Variants in GSE1 observed in about 807,000 individuals in gnomAD.
GSE1 encodes the protein Gse1 coiled-coil protein.
GSE1 carries 32 observed loss-of-function variants against 112.6 expected under a neutral mutation model. That is an observed-to-expected ratio of 0.28 (90% confidence interval 0.21 to 0.38). The LOEUF (loss-of-function observed/expected upper bound fraction) is 0.38, where lower values mean the gene tolerates loss of function less well. Ranked by LOEUF, GSE1 falls within the 10% of genes least tolerant of loss-of-function variation. GSE1 has a pLI of 1.00. For missense variants in GSE1, 2,348 were observed against 1,699.2 expected (o/e 1.38, Z -6.71); for synonymous variants, 1,115 against 735.6 (o/e 1.52, Z -8.35).
chr16:85,332,755 A>G (rs1170431416), intron 1 of GSE1, among the ~76,000 whole-genome samples: 10 of 151,076 alleles, frequency 6.6e-5, no homozygotes, highest in Non-Finnish European at 1.5e-4. Context: ...TCCTGTCTAC[A>G]CCTCCCTCTG....
At chr16:85,177,627 A>G (rs1354185050) in intron 1 of GSE1, among the ~76,000 whole-genome samples, 1 of 152,146 alleles carries the variant, frequency 6.6e-6, no homozygotes, top group East Asian at 1.9e-4. Context: ...GTGCTGTGTT[A>G]AGAAGGGTTC....
intron 1 of GSE1, among the ~76,000 whole-genome samples, chr16:85,203,217 C>T (rs1228203710): frequency 6.6e-6 from 1 of 152,122 alleles, no homozygotes; most frequent in African/African-American, 2.4e-5. Context: ...TCCTCCTCAG[C>T]ATGCGTTTGC....
At position 85,661,233 on chromosome 16, in the gene GSE1, G is replaced by T. The variant is rs1158309115; in HGVS notation, c.1728G>T (p.Gln576His). 3 of 1,612,642 alleles carry T rather than the reference G, an allele frequency of 1.9e-6. No homozygotes were observed. The Admixed American group carries it at 5.0e-5, about 27-fold the overall frequency. ...CACCTCTGATTTCGCCCAAGCCCCAGCTCCATGCTGCACCCACGGCCCTCT... is the reference window on the plus strand; with the variant it reads ...CACCTCTGATTTCGCCCAAGCCCCATCTCCATGCTGCACCCACGGCCCTCT... The part of the protein sequence containing the change: ...GPPPLISPKP[Q>H]LHAAPTALWN... Residue 576 changes from glutamine (Q) to histidine (H), a missense_variant, in exon 9 of 16, where the codon CAG (glutamine) becomes CAT (histidine). Transcript: ENST00000253458.
chr16:85,235,428 C>CTGTGTGTGTGTGTGTGTGTG (rs60860144), intron 1 of GSE1, among the ~76,000 whole-genome samples: 1 of 126,318 alleles, frequency 7.9e-6, no homozygotes, highest in Non-Finnish European at 1.7e-5. Flanking sequence ...TGGAAGGGTA[C>CTGTGTGTGTGTGTGTGTGTG]TGTGTGTGTG....
intron 2 of GSE1, among the ~76,000 whole-genome samples, chr16:85,540,879 C>A (rs1029669116): frequency 3.9e-5 from 6 of 152,156 alleles, no homozygotes; most frequent in Non-Finnish European, 8.8e-5. Flanking sequence ...TGCACTCCGG[C>A]CTGAGCAATA....
chr16:85,286,825 CCT>C (rs2045043023), intron 1 of GSE1, among the ~76,000 whole-genome samples: 1 of 152,100 alleles, frequency 6.6e-6, no homozygotes. Context: ...TGTTTTCTTC[CCT>C]GTGTAGGGAT....
rs765186908 is a variant in GSE1 at position 85,633,999 on chromosome 16, C to A, written c.93C>A (p.Pro31=). 4.2e-5 allele frequency: 68 copies of A among 1,612,870 alleles called. No homozygotes were observed. Among genetic ancestry groups the A allele is most frequent in the Non-Finnish European group, 5.7e-5 (67 of 1,179,724 alleles). Residue 31 remains proline, a synonymous_variant, in exon 2 of 16, where the codon CCC becomes CCA. Transcript: ENST00000253458. ...RTTATVNPLT[P]SPLNGALVPS... is the part of the protein sequence containing the mutation. ...CCGCCACCGTCAACCCCCTCACCCC[C>A]TCGCCGCTCAATGGCGCCCTGGTGC...
intron 2 of GSE1, among the ~76,000 whole-genome samples, chr16:85,491,112 G>T (rs547209825): frequency 1.3e-5 from 2 of 152,200 alleles, no homozygotes; most frequent in African/African-American, 4.8e-5. Flanking sequence ...AAGCCCTGTC[G>T]CAGGGGGCGG....
At chr16:85,348,276 T>A (rs910157045) in intron 1 of GSE1, among the ~76,000 whole-genome samples, 1 of 151,520 alleles carries the variant, frequency 6.6e-6, no homozygotes, top group Non-Finnish European at 1.5e-5. Flanking sequence ...TGCCCCTCCA[T>A]CTATCCATCC....
At chr16:85,228,202 C>T (rs954213778) in intron 1 of GSE1, among the ~76,000 whole-genome samples, 5 of 152,332 alleles carry the variant, frequency 3.3e-5, no homozygotes, top group African/African-American at 4.8e-5. Context: ...TCACTTGGCT[C>T]GCAGTGAAAC....
intron 2 of GSE1, among the ~76,000 whole-genome samples, chr16:85,486,953 C>T (rs2050861677): frequency 6.6e-6 from 1 of 152,092 alleles, no homozygotes; most frequent in African/African-American, 2.4e-5. Flanking sequence ...TCATTTTGTG[C>T]CTAGCCCTGT....
intron 8 of GSE1, chr16:85,659,303 C>G (rs1035993829): frequency 6.6e-6 from 1 of 152,236 alleles, no homozygotes; most frequent in Non-Finnish European, 1.5e-5. Flanking sequence ...TCCCCTCAAG[C>G]TTTGCCCAGG....
At chr16:85,569,636 C>G (rs548806695) in intron 1 of GSE1, among the ~76,000 whole-genome samples, 185 of 152,334 alleles carry the variant, frequency 1.2e-3, no homozygotes, top group African/African-American at 4.1e-3. Context: ...GAGAGAAGCT[C>G]CAGCGCAGGA....
At chr16:85,218,504 G>T (rs2143723590) in intron 1 of GSE1, among the ~76,000 whole-genome samples, 1 of 152,346 alleles carries the variant, frequency 6.6e-6, no homozygotes, top group Non-Finnish European at 1.5e-5. Context: ...AACGAGACGT[G>T]CCGCTCGTAG....
chr16:85,246,321 ACACACACACACC>A (rs1265164693), intron 1 of GSE1, among the ~76,000 whole-genome samples: 3 of 86,064 alleles, frequency 3.5e-5, no homozygotes, highest in Non-Finnish European at 4.7e-5. Context: ...ACACACACAC[ACACACACACACC>A]CCCCACACGC....
chr16:85,188,357 A>G (rs1456064624), intron 1 of GSE1, among the ~76,000 whole-genome samples: 3 of 152,228 alleles, frequency 2.0e-5, no homozygotes, highest in Non-Finnish European at 4.4e-5. Flanking sequence ...TATGTGCTCA[A>G]TTAATGTTGG....
chr16:85,396,624 A>C (rs1228482879), intron 2 of GSE1, among the ~76,000 whole-genome samples: 1 of 152,168 alleles, frequency 6.6e-6, no homozygotes, highest in African/African-American at 2.4e-5. Flanking sequence ...CCTCCCTCCG[A>C]TTGGGAGCAG....
At chr16:85,650,290 C>A (rs1598581216) in intron 3 of GSE1, among the ~76,000 whole-genome samples, 1 of 144,512 alleles carries the variant, frequency 6.9e-6, no homozygotes, top group Non-Finnish European at 1.5e-5. Context: ...CCCCCCAGGG[C>A]CAGCCTTGAC....
chr16:85,312,310 C>T (rs2045877827), intron 1 of GSE1, among the ~76,000 whole-genome samples: 4 of 150,304 alleles, frequency 2.7e-5, no homozygotes. Context: ...AGCAGAAACT[C>T]ACTTTTTCAC....
Sources: allele counts gnomAD v4.1 joint callset (sites outside exome capture counted in the v4.1 genomes callset), GRCh38; gene constraint gnomAD v4.1.1; transcripts MANE v1.5; gene names NCBI Gene and HGNC (gene_info 2026-07-23, HGNC 2026-07-21).